The following DGKI variants were observed in gnomAD, a reference collection of about 807,000 sequenced individuals.
DGKI encodes the protein diacylglycerol kinase iota.
DGKI carries 55 observed loss-of-function variants against 147.5 expected under a neutral mutation model. The observed-to-expected ratio is 0.37, with a 90% CI of 0.30 to 0.47. The LOEUF (loss-of-function observed/expected upper bound fraction) is 0.47. Among genes scored for constraint, DGKI ranks in the 20% least tolerant of loss-of-function variants. DGKI has a pLI of 1.00. For synonymous variants in DGKI, 469 were observed against 477.1 expected (o/e 0.98, Z 0.22); for missense variants, 1,007 against 1,323.8 (o/e 0.76, Z 3.71).
chr7:137,637,028 T>C (rs1159928737), intron 6 of DGKI, among the ~76,000 whole-genome samples: 1 of 152,212 alleles, frequency 6.6e-6, no homozygotes, highest in Non-Finnish European at 1.5e-5. Context: ...TATTGCTTTA[T>C]AGCAATGCAA....
At chr7:137,584,671 C>T (rs1433967130) in intron 14 of DGKI, among the ~76,000 whole-genome samples, 2 of 152,156 alleles carry the variant, frequency 1.3e-5, no homozygotes, top group African/African-American at 2.4e-5. Context: ...AACAAACTTG[C>T]ACATATGCAG....
chr7:137,470,663 G>A (rs937682060), intron 23 of DGKI, among the ~76,000 whole-genome samples: 13 of 152,120 alleles, frequency 8.5e-5, no homozygotes, highest in African/African-American at 2.9e-4. Flanking sequence ...AGTTTCCTGG[G>A]CTCAGGTGAT....
intron 1 of DGKI, among the ~76,000 whole-genome samples, chr7:137,730,748 C>A (rs1012369573): frequency 6.6e-6 from 1 of 152,078 alleles, no homozygotes; most frequent in Non-Finnish European, 1.5e-5. Flanking sequence ...CTTTGCCATC[C>A]TTTCTGTGCA....
At chr7:137,441,925 T>C (rs982418187) in intron 28 of DGKI, among the ~76,000 whole-genome samples, 1 of 152,192 alleles carries the variant, frequency 6.6e-6, no homozygotes, top group Non-Finnish European at 1.5e-5. Context: ...AGAGGTTTTA[T>C]ACTAGCCATA....
chr7:137,533,647 G>A (rs1016920081), intron 20 of DGKI, among the ~76,000 whole-genome samples: 2 of 151,998 alleles, frequency 1.3e-5, no homozygotes, highest in Non-Finnish European at 2.9e-5. Context: ...CCCAATTAGA[G>A]GACATAGCCA....
At chr7:137,743,702 G>C (rs1225665680) in intron 1 of DGKI, among the ~76,000 whole-genome samples, 1 of 152,104 alleles carries the variant, frequency 6.6e-6, no homozygotes, top group Non-Finnish European at 1.5e-5. Flanking sequence ...AACTAATCTT[G>C]GCCGGGCGCG....
chr7:137,449,786 G>A (rs563931191), intron 27 of DGKI, among the ~76,000 whole-genome samples: 4 of 152,210 alleles, frequency 2.6e-5, no homozygotes, highest in East Asian at 3.9e-4. Context: ...TTAAAAGTAA[G>A]TATTAAAAGA....
intron 21 of DGKI, among the ~76,000 whole-genome samples, chr7:137,495,924 A>C (rs957640052): frequency 6.6e-6 from 1 of 152,132 alleles, no homozygotes; most frequent in Non-Finnish European, 1.5e-5. Flanking sequence ...CACTCTCACC[A>C]CTTCTATTCA....
At chr7:137,565,721 A>G (rs1054417051) in intron 19 of DGKI, among the ~76,000 whole-genome samples, 4 of 152,196 alleles carry the variant, frequency 2.6e-5, no homozygotes, top group Non-Finnish European at 4.4e-5. Context: ...CAAACTCAAC[A>G]TGAAAGGACC....
chr7:137,525,349 C>T (rs527835420), intron 20 of DGKI, among the ~76,000 whole-genome samples: 66 of 152,244 alleles, frequency 4.3e-4, no homozygotes, highest in South Asian at 1.9e-3. Flanking sequence ...GTCTTCTGGG[C>T]GGGGTATCTG....
chr7:137,676,510 G>A (rs1823043670), intron 3 of DGKI, among the ~76,000 whole-genome samples: 1 of 152,102 alleles, frequency 6.6e-6, no homozygotes, highest in African/African-American at 2.4e-5. Flanking sequence ...TAAAGAAACT[G>A]AGCTTCAAGA....
intron 15 of DGKI, among the ~76,000 whole-genome samples, chr7:137,579,457 A>AG (rs1397783601): frequency 3.3e-5 from 5 of 151,136 alleles, no homozygotes; most frequent in African/African-American, 1.2e-4. Flanking sequence ...AAAAAGAAAG[A>AG]AAAAAAGGCT....
At chr7:137,745,696 T>G (rs1795304036) in intron 1 of DGKI, among the ~76,000 whole-genome samples, 1 of 152,140 alleles carries the variant, frequency 6.6e-6, no homozygotes, top group Non-Finnish European at 1.5e-5. Context: ...AGAGTAGTGA[T>G]GGTGGCAACT....
At chr7:137,457,381 C>T (rs1814245878) in intron 27 of DGKI, among the ~76,000 whole-genome samples, 1 of 152,178 alleles carries the variant, frequency 6.6e-6, no homozygotes, top group African/African-American at 2.4e-5. Flanking sequence ...AGTCTGTCTT[C>T]CTGTTGAGAA....
intron 20 of DGKI, among the ~76,000 whole-genome samples, chr7:137,546,711 TTACA>T (rs1446196336): frequency 1.3e-5 from 2 of 152,218 alleles, no homozygotes; most frequent in African/African-American, 4.8e-5. Flanking sequence ...TTTGTTGACT[TTACA>T]TAATTATTCT....
chr7:137,728,361 G>A (rs1264708787), intron 1 of DGKI, among the ~76,000 whole-genome samples: 1 of 152,134 alleles, frequency 6.6e-6, no homozygotes, highest in East Asian at 1.9e-4. Flanking sequence ...TTCTACCAGA[G>A]CTGAGACTGA....
intron 1 of DGKI, among the ~76,000 whole-genome samples, chr7:137,802,333 T>A (rs1797238411): frequency 6.6e-6 from 1 of 152,174 alleles, no homozygotes; most frequent in South Asian, 2.1e-4. Context: ...AAATCGCTAC[T>A]CAAGAATGTA....
At chr7:137,696,653 C>G (rs139956058) in intron 1 of DGKI, among the ~76,000 whole-genome samples, 2 of 151,998 alleles carry the variant, frequency 1.3e-5, no homozygotes, top group East Asian at 3.9e-4. Flanking sequence ...CACTGAGATT[C>G]TCTCCAGAGT....
At chr7:137,602,214 TC>T in intron 10 of DGKI, among the ~76,000 whole-genome samples, 1 of 152,348 alleles carries the variant, frequency 6.6e-6, no homozygotes, top group East Asian at 1.9e-4. Flanking sequence ...TGTTAATTAC[TC>T]CTTTCCACCT....
Sources: allele counts gnomAD v4.1 joint callset (sites outside exome capture counted in the v4.1 genomes callset), GRCh38; gene constraint gnomAD v4.1.1; transcripts MANE v1.5; gene names NCBI Gene and HGNC (gene_info 2026-07-23, HGNC 2026-07-21).